The following IL1RAPL1 variants were observed in gnomAD, a reference collection of about 807,000 sequenced individuals.
IL1RAPL1 encodes the protein interleukin 1 receptor accessory protein like 1, also known as interleukin-1 receptor accessory protein-like 1.
Under a neutral mutation model 48.4 loss-of-function variants are expected in IL1RAPL1, and 3 were observed. That is an observed-to-expected ratio of 0.06 (90% CI 0.03 to 0.16). The LOEUF (loss-of-function observed/expected upper bound fraction) is 0.16, where lower values mean the gene tolerates loss of function less well. Ranked by LOEUF, IL1RAPL1 falls within the 10% of genes least tolerant of loss-of-function variation. The pLI, the probability that IL1RAPL1 is intolerant of heterozygous loss-of-function variation, is 1.00. For synonymous variants in IL1RAPL1, 185 were observed against 187.7 expected, an observed-to-expected ratio of 0.99 and a Z score of 0.12; for missense variants, 349 against 530.6, an observed-to-expected ratio of 0.66 and a Z score of 3.36.
At chrX:29,758,295 A>G (rs751546208) in intron 6 of IL1RAPL1, among the ~76,000 whole-genome samples, 30 of 111,988 alleles carry the variant, frequency 2.7e-4, no homozygotes, top group Non-Finnish European at 5.4e-4. Context: ...TGATGAACAT[A>G]TGAGAATTAC....
chrX:29,424,427 G>C (rs1456185030), intron 5 of IL1RAPL1, among the ~76,000 whole-genome samples: 2 of 111,366 alleles, frequency 1.8e-5, no homozygotes, highest in Non-Finnish European at 3.8e-5. Flanking sequence ...CTGGAAGGGG[G>C]CTATTAAGAG....
chrX:29,370,839 G>A lies in IL1RAPL1; in HGVS notation c.363-25419G>A, dbSNP rs766189083. On this transcript the variant is annotated intron_variant, in intron 3 of 10. Coordinates refer to ENST00000378993, the MANE Select transcript of IL1RAPL1 (RefSeq NM_014271.4). ...GACTAAAATAAAAGGCTATATTTTT[G>A]TATTTTCTTTTTCTCTTTTTCCTTG... 2.0e-3 allele frequency among the ~76,000 whole-genome samples: 215 copies of A among 109,908 alleles called. 1 individual carries two copies. The highest frequency in any genetic ancestry group is 6.5e-3 in the African/African-American group (198 of 30,424).
At chrX:29,945,334 G>A (rs1382380136) in intron 9 of IL1RAPL1, among the ~76,000 whole-genome samples, 5 of 112,019 alleles carry the variant, frequency 4.5e-5, no homozygotes, top group Non-Finnish European at 9.4e-5. Flanking sequence ...AAGAAGAGAT[G>A]GCTATTCAAC....
At chrX:29,841,274 C>T (rs961116370) in intron 6 of IL1RAPL1, among the ~76,000 whole-genome samples, 1 of 111,903 alleles carries the variant, frequency 8.9e-6, no homozygotes, top group Non-Finnish European at 1.9e-5. Context: ...TTGATAATTA[C>T]ACATCATGAC....
chrX:29,709,747 A>G (rs767539808), intron 6 of IL1RAPL1, among the ~76,000 whole-genome samples: 17 of 111,672 alleles, frequency 1.5e-4, no homozygotes, highest in Non-Finnish European at 2.8e-4. Flanking sequence ...TCTGTAGATC[A>G]CTTTGGGTAG....
intron 5 of IL1RAPL1, among the ~76,000 whole-genome samples, chrX:29,418,258 T>G (rs1278556660): frequency 4.8e-5 from 5 of 104,007 alleles, no homozygotes; most frequent in African/African-American, 1.8e-4. Context: ...CCTGAGTAGC[T>G]GGGATTACAG....
chrX:28,784,149 G>A (rs1323698500), intron 1 of IL1RAPL1, among the ~76,000 whole-genome samples: 2 of 111,990 alleles, frequency 1.8e-5, no homozygotes, highest in Non-Finnish European at 3.8e-5. Flanking sequence ...GTAACTTATG[G>A]TTGCAGAGTA....
chrX:28,796,845 C>A (rs1936618269), intron 2 of IL1RAPL1, among the ~76,000 whole-genome samples: 1 of 112,099 alleles, frequency 8.9e-6, no homozygotes, highest in East Asian at 2.8e-4. Flanking sequence ...GGGCTCTGGC[C>A]CCACATTTCT....
At chrX:29,533,386 A>G (rs950272840) in intron 5 of IL1RAPL1, among the ~76,000 whole-genome samples, 3 of 112,143 alleles carry the variant, frequency 2.7e-5, no homozygotes, top group African/African-American at 9.7e-5. Flanking sequence ...TGTGACTGAT[A>G]TTTTAGCATA....
chrX:28,631,604 T>C (rs1934402352), intron 1 of IL1RAPL1, among the ~76,000 whole-genome samples: 1 of 112,256 alleles, frequency 8.9e-6, no homozygotes, highest in Non-Finnish European at 1.9e-5. Flanking sequence ...CTAAGTAAAA[T>C]GTGTTGAAGA....
intron 2 of IL1RAPL1, among the ~76,000 whole-genome samples, chrX:29,089,959 T>C (rs1928053167): frequency 9.5e-6 from 1 of 105,340 alleles, no homozygotes; most frequent in Non-Finnish European, 1.9e-5. Context: ...TCTTATTCAT[T>C]TCATCCCAGA....
intron 6 of IL1RAPL1, among the ~76,000 whole-genome samples, chrX:29,751,968 A>G (rs1042318545): frequency 1.8e-4 from 18 of 102,774 alleles, no homozygotes; most frequent in African/African-American, 6.3e-4. Context: ...ACCTATATCT[A>G]TATATCATAT....
intron 8 of IL1RAPL1, among the ~76,000 whole-genome samples, chrX:29,934,185 T>A (rs1157961652): frequency 8.9e-6 from 1 of 111,887 alleles, no homozygotes. Context: ...AACTTCTGGT[T>A]TGGAACAAAA....
At position 29,746,044 on chromosome X, in the gene IL1RAPL1, C is replaced by T. The variant is rs374790478; in HGVS notation, c.778+77540C>T. Among the ~76,000 whole-genome samples, 4 of 111,565 alleles carry T rather than the reference C, an allele frequency of 3.6e-5. No individual in the cohort carries two copies. In the East Asian group the frequency reaches 8.4e-4, roughly 23 times the overall value. ...CTTATTATTTTACATCATATTAGTG[C>T]AATTGTCAAGAGACAATTTTATATT... On this transcript the variant is annotated intron_variant, in intron 6 of 10. Transcript: ENST00000378993.
At chrX:28,859,109 T>C (rs1417723949) in intron 2 of IL1RAPL1, among the ~76,000 whole-genome samples, 1 of 112,443 alleles carries the variant, frequency 8.9e-6, no homozygotes, top group Non-Finnish European at 1.9e-5. Flanking sequence ...GATCATTCTT[T>C]GAAGGGTAGA....
In IL1RAPL1 at chrX:29,327,347, T is replaced by G. The variant is rs755431048; in HGVS notation, c.362+44130T>G. Among the ~76,000 whole-genome samples the G allele has an allele frequency of 6.4e-5, 7 of 109,808 alleles. No homozygotes were observed. In the South Asian group the frequency reaches 2.4e-3, roughly 37 times the overall value. On this transcript the variant is annotated intron_variant, in intron 3 of 10. Transcript: ENST00000378993. ...CAGTACTTCATATTTGAAATATATA[T>G]TCTTAATAAATCTTTTAACTTTCAG...
chrX:29,936,166 T>C, intron 8 of IL1RAPL1, among the ~76,000 whole-genome samples: 1 of 110,482 alleles, frequency 9.1e-6, no homozygotes, highest in East Asian at 2.8e-4. Flanking sequence ...TGAGTATCTT[T>C]GTAGGCTGAG....
chrX:29,920,169 C>G, intron 8 of IL1RAPL1, 75 bp downstream of exon 8: 2 of 1,131,877 alleles, frequency 1.8e-6, no homozygotes, highest in Non-Finnish European at 2.4e-6. Flanking sequence ...AACCAAGAAA[C>G]AAATTTAGTT....
At chrX:28,966,364 G>T (rs1924919613) in intron 2 of IL1RAPL1, among the ~76,000 whole-genome samples, 1 of 111,963 alleles carries the variant, frequency 8.9e-6, no homozygotes. Context: ...ATGCCTTGAG[G>T]TATTCAGATG....
Sources: allele counts gnomAD v4.1 joint callset (sites outside exome capture counted in the v4.1 genomes callset), GRCh38; gene constraint gnomAD v4.1.1; transcripts MANE v1.5; gene names NCBI Gene and HGNC (gene_info 2026-07-23, HGNC 2026-07-21).